The following TSPAN15 variants were observed in gnomAD, a reference collection of about 807,000 sequenced individuals.
TSPAN15 encodes the protein tetraspanin 15.
In TSPAN15, 20 loss-of-function variants were observed where a neutral mutation model predicts 34.5. That is an observed-to-expected ratio of 0.58 (90% confidence interval 0.41 to 0.84). TSPAN15 has a LOEUF of 0.84. TSPAN15 is among the 40% of genes least tolerant of loss of function. The pLI, the probability that TSPAN15 is intolerant of heterozygous loss-of-function variation, is 0.00. For synonymous variants in TSPAN15, 155 were observed against 153.9 expected (o/e 1.01, Z -0.05); for missense variants, 313 against 386.1 (o/e 0.81, Z 1.59).
the TSPAN15 span, among the ~76,000 whole-genome samples, chr10:69,514,233 T>C: frequency 6.6e-6 from 1 of 152,252 alleles, no homozygotes; most frequent in Non-Finnish European, 1.5e-5. Context: ...CATTCAGTGA[T>C]GATATAGTAC....
chr10:69,530,050 A>G, the TSPAN15 span, among the ~76,000 whole-genome samples: 1 of 147,842 alleles, frequency 6.8e-6, no homozygotes, highest in Non-Finnish European at 1.5e-5. Flanking sequence ...GTAATATTCC[A>G]TGGTGTGTGT....
intron 1 of TSPAN15, among the ~76,000 whole-genome samples, chr10:69,477,188 A>G (rs1278617955): frequency 6.6e-6 from 1 of 152,008 alleles, no homozygotes. Context: ...AGGCTGGAGT[A>G]CAGTGGCACA....
At chr10:69,513,721 T>C in the TSPAN15 span, among the ~76,000 whole-genome samples, 1 of 152,252 alleles carries the variant, frequency 6.6e-6, no homozygotes, top group East Asian at 1.9e-4. Flanking sequence ...GCTCTTACAT[T>C]TAAGTCAAGG....
Position 69,504,407 on chromosome 10 carries a change from A to G in TSPAN15, c.571-31A>G, listed in dbSNP as rs779233771. On this transcript the variant is annotated intron_variant, in intron 5 of 7. Coordinates refer to ENST00000373290, the MANE Select transcript of TSPAN15 (RefSeq NM_012339.5). ...TGCCTTTTTGAGTTAGAACCATTAT[A>G]AATATTAGCTATTATACATTTCCAT... The G allele has an allele frequency of 1.9e-6, 3 of 1,603,842 alleles. No individual in the cohort carries two copies. The African/African-American group carries it at 4.0e-5, about 21-fold the overall frequency.
the TSPAN15 span, among the ~76,000 whole-genome samples, chr10:69,521,278 G>T: frequency 6.6e-6 from 1 of 151,356 alleles, no homozygotes; most frequent in African/African-American, 2.4e-5. Flanking sequence ...GGGAGGCTGA[G>T]GCAGGCAGAT....
At chr10:69,469,858 T>C (rs1841468857) in intron 1 of TSPAN15, among the ~76,000 whole-genome samples, 1 of 152,162 alleles carries the variant, frequency 6.6e-6, no homozygotes, top group African/African-American at 2.4e-5. Flanking sequence ...CTCGTGGGCT[T>C]GAGCACATTA....
chr10:69,488,343 T>C, intron 3 of TSPAN15, among the ~76,000 whole-genome samples: 1 of 151,760 alleles, frequency 6.6e-6, no homozygotes, highest in South Asian at 2.1e-4. Context: ...GAGAAAAAGG[T>C]GAGGAGCAAT....
the TSPAN15 span, among the ~76,000 whole-genome samples, chr10:69,524,727 G>C: frequency 2.1e-5 from 3 of 143,346 alleles, no homozygotes; most frequent in Non-Finnish European, 4.5e-5. Flanking sequence ...AAAAAAAATA[G>C]ACAAGGAAAT....
chr10:69,455,862 C>T (rs1841096668), intron 1 of TSPAN15, among the ~76,000 whole-genome samples: 1 of 151,972 alleles, frequency 6.6e-6, no homozygotes, highest in Non-Finnish European at 1.5e-5. Flanking sequence ...CACTGAGCCC[C>T]CAGGTCAACC....
chr10:69,474,535 T>C (rs75721814), intron 1 of TSPAN15, among the ~76,000 whole-genome samples: 9,696 of 152,118 alleles, frequency 0.064, 1,043 homozygotes, highest in African/African-American at 0.22. Context: ...CTTACTCACT[T>C]CTGCTGGTGG....
intron 1 of TSPAN15, among the ~76,000 whole-genome samples, chr10:69,480,858 C>T (rs1456248874): frequency 6.6e-6 from 1 of 152,066 alleles, no homozygotes; most frequent in Non-Finnish European, 1.5e-5. Context: ...CCACCAAGCC[C>T]GGCTCATTTT....
intron 5 of TSPAN15, among the ~76,000 whole-genome samples, 183 bp downstream of exon 5, chr10:69,498,579 G>T (rs904449412): frequency 4.3e-4 from 66 of 152,194 alleles, no homozygotes; most frequent in Admixed American, 7.9e-4. Context: ...GCTTCTGGGG[G>T]TCGGGGGTAG....
chr10:69,509,907 C>T (rs1842398300), downstream of TSPAN15, among the ~76,000 whole-genome samples: 1 of 152,182 alleles, frequency 6.6e-6, no homozygotes, highest in Non-Finnish European at 1.5e-5. Context: ...GGTGTTATTT[C>T]TGAGGCCTCT....
At chr10:69,525,785 C>T in the TSPAN15 span, among the ~76,000 whole-genome samples, 7 of 141,272 alleles carry the variant, frequency 5.0e-5, 1 homozygote, top group African/African-American at 1.5e-4. Context: ...CGCACCACTG[C>T]ACTCCAGCCT....
At chr10:69,476,144 G>T (rs573057774) in intron 1 of TSPAN15, among the ~76,000 whole-genome samples, 46 of 152,090 alleles carry the variant, frequency 3.0e-4, no homozygotes, top group Middle Eastern at 6.9e-3. Flanking sequence ...GAAGATTCGA[G>T]ATCTAAGAAT....
At chr10:69,499,489 G>A (rs1481897938) in intron 5 of TSPAN15, among the ~76,000 whole-genome samples, 8 of 152,212 alleles carry the variant, frequency 5.3e-5, no homozygotes, top group Admixed American at 5.2e-4. Flanking sequence ...ACCCAGGGCA[G>A]CAGCATCTGA....
At chr10:69,483,606 C>T in intron 1 of TSPAN15, 85 bp from the exon 2 acceptor site, 1 of 1,431,644 alleles carries the variant, frequency 7.0e-7, no homozygotes. Context: ...TCCCCCACAG[C>T]AGGTACCACA....
At chr10:69,545,356 T>G in the TSPAN15 span, among the ~76,000 whole-genome samples, 1 of 152,162 alleles carries the variant, frequency 6.6e-6, no homozygotes, top group African/African-American at 2.4e-5. Flanking sequence ...GCCATCTCTG[T>G]TCTCAGAATA....
chr10:69,520,469 G>A, the TSPAN15 span, among the ~76,000 whole-genome samples: 1 of 152,134 alleles, frequency 6.6e-6, no homozygotes, highest in Admixed American at 6.6e-5. Context: ...ACTGGCCTGG[G>A]CAACATAGGG....
Sources: allele counts gnomAD v4.1 joint callset (sites outside exome capture counted in the v4.1 genomes callset), GRCh38; gene constraint gnomAD v4.1.1; transcripts MANE v1.5; gene names NCBI Gene and HGNC (gene_info 2026-07-23, HGNC 2026-07-21).